ZSCAN22: variants seen among roughly 807,000 people sequenced by gnomAD.
The protein encoded by ZSCAN22 is zinc finger and SCAN domain containing 22.
A neutral mutation model predicts 12.4 loss-of-function variants in ZSCAN22; 7 were observed. That is an observed-to-expected ratio of 0.57 (90% CI 0.32 to 1.06). The LOEUF is 1.06. ZSCAN22 is among the 50% of genes least tolerant of loss of function. The probability of loss-of-function intolerance (pLI) is 0.04; values close to 1 mark genes in which losing one functional copy is unlikely to be tolerated. For missense variants in ZSCAN22, 576 were observed against 631.7 expected, an observed-to-expected ratio of 0.91 and a Z score of 0.94; for synonymous variants, 243 against 255.9, an observed-to-expected ratio of 0.95 and a Z score of 0.48.
Position 58,340,403 on chromosome 19 carries a change from G to C in ZSCAN22, c.*1077G>C, listed in dbSNP as rs1162920351. 1.3e-5 allele frequency: 2 copies of C among 152,378 alleles called. No individual in the cohort carries two copies. The highest frequency in any genetic ancestry group is 4.8e-5 in the African/African-American group (2 of 41,424). 9.4% of individuals were successfully genotyped at this position (152,378 alleles called of 1,614,324 possible). A position where few individuals can be genotyped will look rare whatever the true frequency, so the allele number is the denominator to read the frequency against. On this transcript the variant is annotated 3_prime_UTR_variant, in exon 3 of 3. Coordinates refer to ENST00000329665, the MANE Select transcript of ZSCAN22 (RefSeq NM_181846.3). The stretch of plus-strand genomic sequence containing the variant: ...CGGAACTACTGTGGTCCCTGAAGGA[G>C]CCATACATTTTCCCACTTATGTGCC...
At chr19:58,327,949 C>T (rs1168941776) in intron 1 of ZSCAN22, among the ~76,000 whole-genome samples, 1 of 152,166 alleles carries the variant, frequency 6.6e-6, no homozygotes, top group Non-Finnish European at 1.5e-5. Context: ...CTCCCGGGTT[C>T]AAGCGATTAT....
At position 58,340,963 on chromosome 19, in the gene ZSCAN22, A is replaced by G. The variant is rs1400040056; in HGVS notation, c.*1637A>G. Reference sequence around the variant, plus strand: ...GAGCTGCCTTTTCCAAGGATACCATAAACTCCTGAGAGCAGGGGCCATGTC... The same window carrying G: ...GAGCTGCCTTTTCCAAGGATACCATGAACTCCTGAGAGCAGGGGCCATGTC... On this transcript the variant is annotated 3_prime_UTR_variant, in exon 3 of 3. Transcript: ENST00000329665. The G allele has an allele frequency of 6.6e-6, 1 of 152,080 alleles. No homozygotes were observed. The highest frequency in any genetic ancestry group is 1.5e-5 in the Non-Finnish European group (1 of 68,020). The allele number at this position is 152,080 out of a possible 1,614,324, so 9.4% of individuals were successfully genotyped here.
chr19:58,335,318 T>G lies in ZSCAN22; in HGVS notation c.403+113T>G. 1 of 1,323,812 alleles carries G rather than the reference T, an allele frequency of 7.6e-7. No individual in the cohort carries two copies. The highest frequency in any genetic ancestry group is 1.0e-6 in the Non-Finnish European group (1 of 993,276). The allele number at this position is 1,323,812 out of a possible 1,614,324, so 82.0% of individuals were successfully genotyped here. A position where few individuals can be genotyped will look rare whatever the true frequency, so the allele number is the denominator to read the frequency against. On this transcript the variant is annotated intron_variant, in intron 2 of 2. Coordinates refer to ENST00000329665, the MANE Select transcript of ZSCAN22 (RefSeq NM_181846.3). The surrounding 1 kb of genome is among the most constrained non-coding windows in gnomAD (Gnocchi z 4.1). Reference sequence around the variant, plus strand: ...GCTCATGCACCCATTCTCACATTTGTACTTTACCGTAACTCTCACACACTG... The same window carrying G: ...GCTCATGCACCCATTCTCACATTTGGACTTTACCGTAACTCTCACACACTG...
At position 58,332,268 on chromosome 19, in the gene ZSCAN22, C is replaced by CTTTTTT. The variant is rs35345104; in HGVS notation, c.-51-2466_-51-2461dup. On this transcript the variant is annotated intron_variant, in intron 1 of 2. Transcript: ENST00000329665. ...TCAGCCTCTGACAAACACTAATATGCTTTTTTTTTTTTTTTTTTTTTTTGA... is the reference window on the plus strand; with the variant it reads ...TCAGCCTCTGACAAACACTAATATGCTTTTTTTTTTTTTTTTTTTTTTTTTTTTTGA... 3.5e-3 allele frequency among the ~76,000 whole-genome samples: 283 copies of CTTTTTT among 81,670 alleles called. 17 individuals carry two copies. The highest frequency in any genetic ancestry group is 0.011 in the Middle Eastern group (1 of 92). The allele number at this position is 81,670 out of a possible 152,430, so 53.6% of individuals were successfully genotyped here.
At chr19:58,327,892 C>T (rs1271816262) in intron 1 of ZSCAN22, among the ~76,000 whole-genome samples, 2 of 152,108 alleles carry the variant, frequency 1.3e-5, no homozygotes, top group Non-Finnish European at 2.9e-5. Context: ...GCTCTGTTGC[C>T]CAGGCTGGAG....
intron 1 of ZSCAN22, among the ~76,000 whole-genome samples, chr19:58,330,304 T>G (rs2051708488): frequency 1.3e-5 from 2 of 151,954 alleles, no homozygotes; most frequent in South Asian, 4.2e-4. Context: ...AAAAAAGAAT[T>G]TTTTCAAAAA....
chr19:58,328,265 TTGAC>T, intron 1 of ZSCAN22, among the ~76,000 whole-genome samples: 1 of 152,334 alleles, frequency 6.6e-6, no homozygotes, highest in East Asian at 1.9e-4. Context: ...TAATATCTGA[TTGAC>T]TGAGATTTTT....
In ZSCAN22 at chr19:58,338,619, G is replaced by C. The variant is rs144289219; in HGVS notation, c.769G>C (p.Glu257Gln). 8.9e-5 allele frequency: 143 copies of C among 1,614,238 alleles called. No homozygotes were observed. The African/African-American group carries it at 1.7e-3, about 19-fold the overall frequency. ...KFDLVDAYGT[E>Q]PPYTYSGKRS... ...TGATCTGGTGGATGCTTATGGGACA[G>C]AGCCTCCATACACCTACTCAGGGAA... The change falls in exon 3 of 3, where the codon GAG becomes CAG. Residue 257 changes from glutamate to glutamine, a missense_variant. By Grantham distance (29) the Glu-to-Gln change is conservative (BLOSUM62 2). Coordinates refer to ENST00000329665, the MANE Select transcript of ZSCAN22 (RefSeq NM_181846.3). The surrounding 1 kb of genome is among the most constrained non-coding windows in gnomAD (Gnocchi z 5.4).
chr19:58,338,761 C>G lies in ZSCAN22; in HGVS notation c.911C>G (p.Ala304Gly), dbSNP rs770669020. The part of the protein sequence containing the change: ...TPYACSECGK[A>G]FSRSTHLAQH... ...TATGCCTGCAGCGAGTGTGGGAAAG[C>G]CTTCAGCCGGAGCACTCACCTCGCC... Residue 304 changes from alanine (A) to glycine (G), a missense_variant, in exon 3 of 3, where the codon GCC (alanine) becomes GGC (glycine). Coordinates refer to ENST00000329665, the MANE Select transcript of ZSCAN22 (RefSeq NM_181846.3). The surrounding 1 kb of genome is among the most constrained non-coding windows in gnomAD (Gnocchi z 5.4). 1.9e-6 allele frequency: 3 copies of G among 1,614,094 alleles called. No homozygotes were observed. Among genetic ancestry groups the G allele is most frequent in the Non-Finnish European group, 2.5e-6 (3 of 1,180,038 alleles).
intron 1 of ZSCAN22, among the ~76,000 whole-genome samples, chr19:58,332,044 T>A (rs2051732816): frequency 1.3e-5 from 2 of 151,822 alleles, no homozygotes. Context: ...CGGCTGATTT[T>A]GTATTTTTAG....
In ZSCAN22 at chr19:58,339,465, T is replaced by C. The variant is rs958598581; in HGVS notation, c.*139T>C. 5.0e-6 allele frequency: 4 copies of C among 805,164 alleles called. No individual in the cohort carries two copies. Among genetic ancestry groups the C allele is most frequent in the Admixed American group, 2.9e-5 (1 of 34,242 alleles). The allele number at this position is 805,164 out of a possible 1,614,324, so 49.9% of individuals were successfully genotyped here. On this transcript the variant is annotated 3_prime_UTR_variant, in exon 3 of 3. Coordinates refer to ENST00000329665, the MANE Select transcript of ZSCAN22 (RefSeq NM_181846.3). This position sits in a 1 kb window ranked among gnomAD's most constrained non-coding sequence, Gnocchi z 5.6. ...AAATGATAGGTGCCTGAGGGCAGAC[T>C]CGGGCTGTCTAGGAACCACTCTGCA... is the stretch of plus-strand genomic sequence containing the variant.
Position 58,338,234 on chromosome 19 carries a change from T to C in ZSCAN22, c.404-20T>C, listed in dbSNP as rs2147990267. On this transcript the variant is annotated intron_variant, in intron 2 of 2. Coordinates refer to ENST00000329665, the MANE Select transcript of ZSCAN22 (RefSeq NM_181846.3). This position sits in a 1 kb window ranked among gnomAD's most constrained non-coding sequence, Gnocchi z 5.4. The stretch of plus-strand genomic sequence containing the variant: ...CTTGGTGTGGTAGGAGGAGTGACAG[T>C]GTGGTTCGGACTGTTTCAGGATGGG... The C allele has an allele frequency of 6.4e-7, 1 of 1,573,884 alleles. No homozygotes were observed. The highest frequency in any genetic ancestry group is 1.3e-5 in the African/African-American group (1 of 74,204).
rs1442072565 is a variant in ZSCAN22 at position 58,338,459 on chromosome 19, C to G, written c.609C>G (p.His203Gln). Reference protein sequence around the residue: ...IWTKSVTQQIHFKKTSGPYKD... With the variant: ...IWTKSVTQQIQFKKTSGPYKD... ...CAAAGTCTGTCACCCAACAGATCCACTTCAAGAAAACTTCAGGGCCTTACA... is the reference window on the plus strand; with the variant it reads ...CAAAGTCTGTCACCCAACAGATCCAGTTCAAGAAAACTTCAGGGCCTTACA... The change falls in exon 3 of 3, where the codon CAC (histidine) becomes CAG (glutamine). Residue 203 changes from histidine (H) to glutamine (Q), a missense_variant. By Grantham distance (24) the His-to-Gln change is conservative (BLOSUM62 0). Coordinates refer to ENST00000329665, the MANE Select transcript of ZSCAN22 (RefSeq NM_181846.3). The surrounding 1 kb of genome is among the most constrained non-coding windows in gnomAD (Gnocchi z 5.4). 1.9e-6 allele frequency: 3 copies of G among 1,614,226 alleles called. No homozygotes were observed. The highest frequency in any genetic ancestry group is 2.2e-5 in the South Asian group (2 of 91,080).
Position 58,334,934 on chromosome 19 carries a change from C to T in ZSCAN22, c.132C>T (p.His44=). Residue 44 remains histidine, a synonymous_variant, in exon 2 of 3, where the codon CAC becomes CAT. Coordinates refer to ENST00000329665, the MANE Select transcript of ZSCAN22 (RefSeq NM_181846.3). ...GGESSHDHIA[H]SEAARLRFRH... ...AATCCAGCCATGACCACATTGCTCACTCTGAGGCTGCACGCCTGCGCTTCC... is the reference window on the plus strand; with the variant it reads ...AATCCAGCCATGACCACATTGCTCATTCTGAGGCTGCACGCCTGCGCTTCC... 1 of 1,614,192 alleles carries T rather than the reference C, an allele frequency of 6.2e-7. No homozygotes were observed. Among genetic ancestry groups the T allele is most frequent in the Non-Finnish European group, 8.5e-7 (1 of 1,180,054 alleles).
chr19:58,332,765 T>G (rs926591284), intron 1 of ZSCAN22, among the ~76,000 whole-genome samples: 9 of 152,210 alleles, frequency 5.9e-5, no homozygotes, highest in African/African-American at 2.2e-4. Context: ...GTTATGCACA[T>G]TTATGTATAA....
In ZSCAN22 at chr19:58,339,377, G is replaced by A. The variant is rs373598212; in HGVS notation, c.*51G>A. 6.7e-7 allele frequency: 1 copy of A among 1,495,880 alleles called. No homozygotes were observed. The highest frequency in any genetic ancestry group is 9.0e-7 in the Non-Finnish European group (1 of 1,114,942). 92.7% of individuals were successfully genotyped at this position (1,495,880 alleles called of 1,614,324 possible). On this transcript the variant is annotated 3_prime_UTR_variant, in exon 3 of 3. Transcript: ENST00000329665. This position sits in a 1 kb window ranked among gnomAD's most constrained non-coding sequence, Gnocchi z 5.6. Reference sequence around the variant, plus strand: ...CACAGCGTCTTCTCGGAGGCTCGAGGTCTAAGAGAAACGCTGAGTTCCTGA... The same window carrying A: ...CACAGCGTCTTCTCGGAGGCTCGAGATCTAAGAGAAACGCTGAGTTCCTGA...
rs2051837571 is a variant in ZSCAN22 at position 58,339,068 on chromosome 19, G to A, written c.1218G>A (p.Lys406=). The change falls in exon 3 of 3, where the codon AAG becomes AAA. Residue 406 remains lysine, a synonymous_variant. Transcript: ENST00000329665. This position sits in a 1 kb window ranked among gnomAD's most constrained non-coding sequence, Gnocchi z 5.6. The part of the protein sequence containing the change: ...TQHQRIHTGE[K]PYKCDACGRA... ...ACCAGCGCATCCACACCGGGGAGAA[G>A]CCCTACAAGTGTGACGCGTGTGGCC... The A allele has an allele frequency of 1.2e-6, 2 of 1,614,224 alleles. No individual in the cohort carries two copies. Among genetic ancestry groups the A allele is most frequent in the Middle Eastern group, 1.6e-4 (1 of 6,062 alleles).
In ZSCAN22 at chr19:58,340,405, C is replaced by T. The variant is rs1413482031; in HGVS notation, c.*1079C>T. On this transcript the variant is annotated 3_prime_UTR_variant, in exon 3 of 3. Transcript: ENST00000329665. ...GAACTACTGTGGTCCCTGAAGGAGC[C>T]ATACATTTTCCCACTTATGTGCCTT... 6.6e-6 allele frequency: 1 copy of T among 152,488 alleles called. No homozygotes were observed. The allele number at this position is 152,488 out of a possible 1,614,324, so 9.4% of individuals were successfully genotyped here. A position where few individuals can be genotyped will look rare whatever the true frequency, so the allele number is the denominator to read the frequency against.
At chr19:58,337,999 G>A (rs1378047014) in intron 2 of ZSCAN22, among the ~76,000 whole-genome samples, 1 of 152,246 alleles carries the variant, frequency 6.6e-6, no homozygotes, top group East Asian at 1.9e-4. Context: ...AGCCAAAATT[G>A]GGAGCCTTGA....
Sources: allele counts gnomAD v4.1 joint callset (sites outside exome capture counted in the v4.1 genomes callset), GRCh38; gene constraint gnomAD v4.1.1; non-coding constraint Gnocchi (gnomAD v3.1); transcripts MANE v1.5; gene names NCBI Gene and HGNC (gene_info 2026-07-23, HGNC 2026-07-21).